Variants in CFAP52 observed in about 807,000 individuals in gnomAD.
The protein encoded by CFAP52 is cilia- and flagella-associated protein 52.
In CFAP52, 57 loss-of-function variants were observed where a neutral mutation model predicts 70.5. That is an observed-to-expected ratio of 0.81 (90% CI 0.65 to 1.01). CFAP52 has a LOEUF of 1.01. Ranked by LOEUF, CFAP52 falls within the 50% of genes least tolerant of loss-of-function variation. The pLI is 0.00. For missense variants in CFAP52, 785 were observed against 788.5 expected (o/e 1.00, Z 0.05); for synonymous variants, 267 against 292.5 (o/e 0.91, Z 0.89).
At chr17:9,636,233 A>T (rs979143951) in intron 11 of CFAP52, among the ~76,000 whole-genome samples, 1 of 148,796 alleles carries the variant, frequency 6.7e-6, no homozygotes, top group African/African-American at 2.5e-5. Context: ...GAAAGAAAGA[A>T]AGAAAGAAAG....
chr17:9,597,073 TC>T (rs1909050570), intron 4 of CFAP52, among the ~76,000 whole-genome samples: 2 of 152,168 alleles, frequency 1.3e-5, no homozygotes, highest in Admixed American at 6.5e-5. Context: ...CTCCCTACTC[TC>T]CCACCCCCAG....
intron 8 of CFAP52, 99 bp downstream of exon 8, chr17:9,612,578 G>A: frequency 7.4e-7 from 1 of 1,344,062 alleles, no homozygotes; most frequent in Non-Finnish European, 9.9e-7. Flanking sequence ...ACATAGTTAT[G>A]ATTTTTCTCC....
chr17:9,631,769 GT>G (rs562813196), intron 9 of CFAP52, among the ~76,000 whole-genome samples: 235 of 141,518 alleles, frequency 1.7e-3, no homozygotes, highest in African/African-American at 2.4e-3. Flanking sequence ...GTTTTGGAAA[GT>G]TTTTTTTTTT....
chr17:9,609,244 A>C (rs576209110), intron 7 of CFAP52, among the ~76,000 whole-genome samples: 1 of 152,336 alleles, frequency 6.6e-6, no homozygotes, highest in African/African-American at 2.4e-5. Flanking sequence ...AAGATGAAAA[A>C]AAAAATCCCT....
rs377374357 is a variant in CFAP52, at chr17:9,613,502, T to TTTTG, written c.1025+1051_1025+1054dup. 3.0e-3 allele frequency among the ~76,000 whole-genome samples: 447 copies of TTTTG among 150,250 alleles called. 1 individual carries two copies. Among genetic ancestry groups the TTTTG allele is most frequent in the East Asian group, 0.024 (124 of 5,106 alleles). On this transcript the variant is annotated intron_variant, in intron 8 of 13. Coordinates refer to ENST00000352665, the MANE Select transcript of CFAP52 (RefSeq NM_145054.5). ...GTTTTGTTTTTTGTTTTTGGGGGGT[T>TTTTG]TTTGTTTGTTTGTTTGTTTGTTTGT...
At chr17:9,594,087 AC>A in intron 3 of CFAP52, 105 bp from the exon 4 acceptor site, 1 of 1,439,380 alleles carries the variant, frequency 6.9e-7, no homozygotes, top group Non-Finnish European at 9.2e-7. Flanking sequence ...TTTTTAAGTA[AC>A]CTGTTGTGTT....
At chr17:9,581,652 A>G (rs1908233611) in intron 1 of CFAP52, among the ~76,000 whole-genome samples, 1 of 152,104 alleles carries the variant, frequency 6.6e-6, no homozygotes, top group Admixed American at 6.6e-5. Flanking sequence ...AAAGAATATG[A>G]ATTGTAGTGG....
chr17:9,612,898 G>A (rs1337223661), intron 8 of CFAP52, among the ~76,000 whole-genome samples: 1 of 152,048 alleles, frequency 6.6e-6, no homozygotes. Context: ...TTTCAGTACA[G>A]TATTCAATAA....
intron 4 of CFAP52, among the ~76,000 whole-genome samples, chr17:9,595,360 T>C (rs897136323): frequency 6.6e-6 from 1 of 152,162 alleles, no homozygotes; most frequent in Non-Finnish European, 1.5e-5. Flanking sequence ...CCCCGCTTTA[T>C]GATATGCAAC....
chr17:9,610,278 C>T (rs959187568), intron 7 of CFAP52: 1 of 152,068 alleles, frequency 6.6e-6, no homozygotes, highest in African/African-American at 2.4e-5. Flanking sequence ...ATTTTTTACC[C>T]CTTTGTTTTT....
At chr17:9,577,275 T>C (rs999638142) in intron 1 of CFAP52, among the ~76,000 whole-genome samples, 2 of 152,220 alleles carry the variant, frequency 1.3e-5, no homozygotes, top group Non-Finnish European at 2.9e-5. Context: ...GGGATGTTGT[T>C]GGTCCTCTAA....
At chr17:9,631,106 G>GAAAGAAAGAAAGAAAA (rs60109261) in intron 9 of CFAP52, among the ~76,000 whole-genome samples, 1 of 146,500 alleles carries the variant, frequency 6.8e-6, no homozygotes, top group African/African-American at 2.7e-5. Context: ...GAGAAAGAAA[G>GAAAGAAAGAAAGAAAA]AACATAAGTC....
At chr17:9,589,745 A>G (rs2315137) in intron 3 of CFAP52, among the ~76,000 whole-genome samples, 1 of 58,202 alleles carries the variant, frequency 1.7e-5, no homozygotes, top group Admixed American at 2.0e-4. Context: ...AAAAAAAAAA[A>G]AAAAAAAAAG....
At chr17:9,608,377 T>G (rs1909587107) in intron 7 of CFAP52, among the ~76,000 whole-genome samples, 158 bp downstream of exon 7, 1 of 152,228 alleles carries the variant, frequency 6.6e-6, no homozygotes. Context: ...AGATGGTGGC[T>G]TCTTTGTCAA....
At chr17:9,639,319 T>C (rs544947012) in intron 12 of CFAP52, among the ~76,000 whole-genome samples, 10 of 151,772 alleles carry the variant, frequency 6.6e-5, no homozygotes, top group Non-Finnish European at 1.2e-4. Flanking sequence ...TAATCTCAGC[T>C]ACTCAAGAGG....
At chr17:9,613,146 A>C (rs1465847181) in intron 8 of CFAP52, among the ~76,000 whole-genome samples, 1 of 151,766 alleles carries the variant, frequency 6.6e-6, no homozygotes, top group East Asian at 1.9e-4. Context: ...ACCTGTTTTC[A>C]AACTTCTTTC....
chr17:9,607,993 T>C (rs1321421404), intron 6 of CFAP52, 126 bp from the exon 7 acceptor site: 10 of 638,992 alleles, frequency 1.6e-5, no homozygotes, highest in Non-Finnish European at 2.5e-5. Flanking sequence ...TTTTCATTAA[T>C]ATTTAAAATT....
chr17:9,624,414 C>T (rs1471399295), intron 8 of CFAP52, among the ~76,000 whole-genome samples: 5 of 151,968 alleles, frequency 3.3e-5, no homozygotes, highest in Non-Finnish European at 7.4e-5. Context: ...TTCCAGTTTA[C>T]AGATTTTTCA....
At chr17:9,602,443 AG>A (rs1909313007) in intron 6 of CFAP52, among the ~76,000 whole-genome samples, 1 of 152,110 alleles carries the variant, frequency 6.6e-6, no homozygotes, top group African/African-American at 2.4e-5. Flanking sequence ...GTCCCTGCAA[AG>A]GACATGAACT....
Sources: allele counts gnomAD v4.1 joint callset (sites outside exome capture counted in the v4.1 genomes callset), GRCh38; gene constraint gnomAD v4.1.1; transcripts MANE v1.5; gene names NCBI Gene and HGNC (gene_info 2026-07-23, HGNC 2026-07-21).